Variants in BICRA observed in about 807,000 individuals in gnomAD.
BICRA encodes BRD4 interacting chromatin remodeling complex associated protein, also known as BRD4-interacting chromatin-remodeling complex-associated protein.
A neutral mutation model predicts 96.9 loss-of-function variants in BICRA; 31 were observed. The ratio of observed to expected loss-of-function variants is 0.32; its 90% CI spans 0.24 to 0.43. BICRA has a LOEUF of 0.43. BICRA is among the 20% of genes least tolerant of loss of function. The pLI, the probability that BICRA is intolerant of heterozygous loss-of-function variation, is 1.00. For missense variants in BICRA, 2,283 were observed against 2,190.3 expected (o/e 1.04, Z -0.84); for synonymous variants, 1,350 against 1,071.8 (o/e 1.26, Z -5.07).
intron 7 of BICRA, 36 bp from the exon 8 acceptor site, chr19:47,694,079 C>T (rs1181401180): frequency 2.1e-6 from 3 of 1,417,562 alleles, no homozygotes; most frequent in African/African-American, 1.5e-5. Flanking sequence ...TGGTTCTGAC[C>T]CCCGCCCCTC....
At chr19:47,647,858 G>T (rs1212171307) in intron 1 of BICRA, among the ~76,000 whole-genome samples, 1 of 151,738 alleles carries the variant, frequency 6.6e-6, no homozygotes, top group East Asian at 1.9e-4. Flanking sequence ...TGTCCTGTTG[G>T]GCTTGAGTGT....
rs1392121568 is a variant in BICRA at position 47,698,664 on chromosome 19, C to T, written c.3279C>T (p.Gly1093=). 6.4e-7 allele frequency: 1 copy of T among 1,571,558 alleles called. No homozygotes were observed. The highest frequency in any genetic ancestry group is 1.7e-5 in the Admixed American group (1 of 59,722). The change falls in exon 12 of 15, where the codon GGC becomes GGT. Residue 1093 remains glycine (G), a synonymous_variant. Coordinates refer to ENST00000594866, the MANE Select transcript of BICRA (RefSeq NM_001394372.1). The surrounding 1 kb of genome is among the most constrained non-coding windows in gnomAD (Gnocchi z 4.8). ...CFLEHLHKHQ[G]SVLHPDYKTA... The stretch of plus-strand genomic sequence containing the variant: ...TGGAGCATTTGCACAAACACCAGGG[C>T]TCCGTCCTGCACCCCGACTACAAGA...
intron 1 of BICRA, among the ~76,000 whole-genome samples, chr19:47,619,350 C>T (rs1031937262): frequency 7.9e-5 from 12 of 151,886 alleles, no homozygotes; most frequent in Admixed American, 5.2e-4. Context: ...CTCCGCCTCC[C>T]GGGTTCAAGA....
intron 1 of BICRA, among the ~76,000 whole-genome samples, chr19:47,659,643 T>C (rs996943485): frequency 3.3e-5 from 5 of 151,632 alleles, no homozygotes; most frequent in African/African-American, 1.2e-4. Flanking sequence ...TCTGGATTCC[T>C]TTGTGCAGTG....
At chr19:47,625,842 C>G (rs919269528) in intron 1 of BICRA, among the ~76,000 whole-genome samples, 64 of 151,914 alleles carry the variant, frequency 4.2e-4, no homozygotes, top group Non-Finnish European at 4.0e-4. Flanking sequence ...GAGAGGGAGG[C>G]CGTGGGGCTG....
intron 1 of BICRA, among the ~76,000 whole-genome samples, chr19:47,642,917 T>C (rs979832344): frequency 6.6e-6 from 1 of 152,234 alleles, no homozygotes; most frequent in Admixed American, 6.5e-5. Context: ...CTAAAGATGT[T>C]GAACATTGCA....
At chr19:47,667,063 G>C (rs1972790362) in intron 1 of BICRA, among the ~76,000 whole-genome samples, 1 of 149,104 alleles carries the variant, frequency 6.7e-6, no homozygotes, top group Admixed American at 6.7e-5. Flanking sequence ...CTGTCGCCCA[G>C]GCTGGAGTGC....
At chr19:47,673,813 T>G (rs1349126009) in intron 4 of BICRA, 51 bp downstream of exon 4, 30 of 1,463,148 alleles carry the variant, frequency 2.1e-5, no homozygotes, top group Non-Finnish European at 2.8e-5. Context: ...GCTGTCTAAT[T>G]GGGAGTGAGG....
At chr19:47,651,867 G>T (rs928439772) in intron 1 of BICRA, among the ~76,000 whole-genome samples, 42 of 152,324 alleles carry the variant, frequency 2.8e-4, no homozygotes, top group Admixed American at 2.6e-3. Flanking sequence ...GCCAACCAGC[G>T]TTGGCTGATT....
At chr19:47,629,905 G>A (rs910201838) in intron 1 of BICRA, among the ~76,000 whole-genome samples, 1 of 152,098 alleles carries the variant, frequency 6.6e-6, no homozygotes, top group African/African-American at 2.4e-5. Context: ...TGATCCACCC[G>A]CTGTGGCCTC....
At position 47,679,851 on chromosome 19, in the gene BICRA, G is replaced by A. The variant is rs1445548493; in HGVS notation, c.681G>A (p.Ala227=). 4.0e-6 allele frequency: 6 copies of A among 1,495,500 alleles called. No individual in the cohort carries two copies. Among genetic ancestry groups the A allele is most frequent in the East Asian group, 5.1e-5 (2 of 39,152 alleles). The allele number at this position is 1,495,500 out of a possible 1,614,324, so 92.6% of individuals were successfully genotyped here. A position where few individuals can be genotyped will look rare whatever the true frequency, so the allele number is the denominator to read the frequency against. ...ATGGCAGCCCTGGGGGTGCCACGGCGGCCACACTGGGCCTGGCGCCCATCC... is the reference window on the plus strand; with the variant it reads ...ATGGCAGCCCTGGGGGTGCCACGGCAGCCACACTGGGCCTGGCGCCCATCC... ...LPNGSPGGAT[A]ATLGLAPIQV... Residue 227 remains alanine, a synonymous_variant, in exon 6 of 15, where the codon GCG becomes GCA. Transcript: ENST00000594866.
At chr19:47,673,648 G>C (rs536667799) in intron 3 of BICRA, 33 bp downstream of exon 3, 2 of 1,539,532 alleles carry the variant, frequency 1.3e-6, no homozygotes, top group Non-Finnish European at 1.8e-6. Flanking sequence ...CCTGCCCTCT[G>C]TCTCAACCCC....
Position 47,692,833 on chromosome 19 carries a change from C to T in BICRA, c.2284-1282C>T, listed in dbSNP as rs1319018210. ...GAATCTGATGTCATGCCGAGATGCCCGGTTCTGGAGTGTGGTGGTGCTGGC... is the reference window on the plus strand; with the variant it reads ...GAATCTGATGTCATGCCGAGATGCCTGGTTCTGGAGTGTGGTGGTGCTGGC... On this transcript the variant is annotated intron_variant, in intron 7 of 14. Coordinates refer to ENST00000594866, the MANE Select transcript of BICRA (RefSeq NM_001394372.1). Among the ~76,000 whole-genome samples the T allele has an allele frequency of 7.2e-5, 11 of 152,296 alleles. No individual in the cohort carries two copies. The South Asian group carries it at 1.2e-3, about 17-fold the overall frequency.
chr19:47,699,194 A>G lies in BICRA; in HGVS notation c.3493-109A>G. ...GGAGGGAGGTTGGGAGGGAGGCGGGAGCTCCCATCACAAGGACAGTTTGGA... is the reference window on the plus strand; with the variant it reads ...GGAGGGAGGTTGGGAGGGAGGCGGGGGCTCCCATCACAAGGACAGTTTGGA... On this transcript the variant is annotated intron_variant, in intron 13 of 14. Transcript: ENST00000594866. The surrounding 1 kb of genome is among the most constrained non-coding windows in gnomAD (Gnocchi z 5.0). The G allele has an allele frequency of 1.1e-6, 1 of 871,826 alleles. No homozygotes were observed. The highest frequency in any genetic ancestry group is 2.6e-5 in the East Asian group (1 of 37,754). The allele number at this position is 871,826 out of a possible 1,614,324, so 54.0% of individuals were successfully genotyped here.
intron 1 of BICRA, among the ~76,000 whole-genome samples, chr19:47,652,201 G>T (rs780465437): frequency 5.9e-5 from 9 of 152,096 alleles, no homozygotes; most frequent in Admixed American, 2.0e-4. Context: ...AGGTCATCTG[G>T]AGTATTTTTT....
chr19:47,648,534 G>A (rs976664863), intron 1 of BICRA, among the ~76,000 whole-genome samples: 3 of 151,770 alleles, frequency 2.0e-5, no homozygotes, highest in African/African-American at 7.3e-5. Flanking sequence ...GAGAGGGACT[G>A]GGGGAGGGCT....
rs1310490347 is a variant in BICRA at position 47,702,698 on chromosome 19, C to T, written c.*283C>T. 1.7e-5 allele frequency: 8 copies of T among 468,422 alleles called. No homozygotes were observed. The highest frequency in any genetic ancestry group is 3.0e-5 in the Non-Finnish European group (8 of 267,802). The allele number at this position is 468,422 out of a possible 1,614,324, so 29.0% of individuals were successfully genotyped here. The stretch of plus-strand genomic sequence containing the variant: ...CTGTTTCTTCCCATTTCCTGGCACA[C>T]TCTGCCCCTCTGTCCGGGGGACACG... On this transcript the variant is annotated 3_prime_UTR_variant, in exon 15 of 15. Coordinates refer to ENST00000594866, the MANE Select transcript of BICRA (RefSeq NM_001394372.1).
intron 7 of BICRA, among the ~76,000 whole-genome samples, chr19:47,685,127 G>A (rs1034912818): frequency 1.3e-5 from 2 of 151,266 alleles, no homozygotes; most frequent in East Asian, 3.9e-4. Context: ...GTGCCACCAC[G>A]CACAGCTAAT....
intron 1 of BICRA, among the ~76,000 whole-genome samples, chr19:47,625,690 T>A (rs1326983383): frequency 6.6e-6 from 1 of 152,066 alleles, no homozygotes. Context: ...TGGAAGAGCC[T>A]GGAGGAGGTG....
Sources: gnomAD v4.1 joint callset for allele counts (sites outside exome capture counted in the v4.1 genomes callset) on GRCh38, gnomAD v4.1.1 for gene constraint, Gnocchi (gnomAD v3.1) non-coding constraint, MANE v1.5 for transcripts, NCBI Gene and HGNC (gene_info 2026-07-23, HGNC 2026-07-21) for gene names.